PRKG1: variants seen among roughly 807,000 people sequenced by gnomAD.
The protein encoded by PRKG1 is protein kinase cGMP-dependent 1.
PRKG1 carries 35 observed loss-of-function variants against 88.1 expected under a neutral mutation model. The observed-to-expected ratio is 0.40, with a 90% confidence interval of 0.30 to 0.53. The LOEUF (loss-of-function observed/expected upper bound fraction) is 0.53. Among genes scored for constraint, PRKG1 ranks in the 20% least tolerant of loss-of-function variants. The pLI is 0.59. For missense variants in PRKG1, 540 were observed against 839.8 expected, an observed-to-expected ratio of 0.64 and a Z score of 4.41; for synonymous variants, 303 against 292.5, an observed-to-expected ratio of 1.04 and a Z score of -0.37.
upstream of PRKG1, among the ~76,000 whole-genome samples, chr10:51,073,682 G>A (rs1377686015): frequency 6.6e-6 from 1 of 152,164 alleles, no homozygotes; most frequent in East Asian, 1.9e-4. Flanking sequence ...ATCTGGAGCA[G>A]GCGAAGAGTA....
intron 2 of PRKG1, among the ~76,000 whole-genome samples, chr10:51,401,284 A>G (rs1204214529): frequency 1.3e-5 from 2 of 152,240 alleles, no homozygotes; most frequent in African/African-American, 4.8e-5. Context: ...CAATAGCCAC[A>G]TATCAGGTGC....
In PRKG1 at chr10:51,508,799, T is replaced by C. The variant is rs768192455; in HGVS notation, c.592+40963T>C. Reference sequence around the variant, plus strand: ...GATCTCTTTACCCAAACTGACCAAATTAGAAGGCATTTAATCTACCTTGTA... The same window carrying C: ...GATCTCTTTACCCAAACTGACCAAACTAGAAGGCATTTAATCTACCTTGTA... On this transcript the variant is annotated intron_variant, in intron 3 of 17. Coordinates refer to ENST00000373980, the MANE Select transcript of PRKG1 (RefSeq NM_006258.4). Among the ~76,000 whole-genome samples, 4 of 152,156 alleles carry C rather than the reference T, an allele frequency of 2.6e-5. No individual in the cohort carries two copies. The South Asian group carries it at 8.3e-4, about 32-fold the overall frequency.
At chr10:51,564,396 GC>G (rs1837549351) in intron 3 of PRKG1, among the ~76,000 whole-genome samples, 1 of 152,056 alleles carries the variant, frequency 6.6e-6, no homozygotes, top group African/African-American at 2.4e-5. Flanking sequence ...TAAGATTACA[GC>G]TTTTAAGGAT....
At chr10:51,181,283 G>A (rs1372026487) in intron 2 of PRKG1, among the ~76,000 whole-genome samples, 11 of 123,914 alleles carry the variant, frequency 8.9e-5, no homozygotes, top group African/African-American at 2.1e-4. Context: ...CGCCCAGGCC[G>A]GGCTGCGGAC....
chr10:51,237,766 G>A (rs1839036678), intron 2 of PRKG1, among the ~76,000 whole-genome samples: 1 of 152,046 alleles, frequency 6.6e-6, no homozygotes, highest in Non-Finnish European at 1.5e-5. Context: ...CAAAGTGATA[G>A]TAAATATTCT....
chr10:51,049,404 A>G (rs1200262644), intron 1 of PRKG1, among the ~76,000 whole-genome samples: 3 of 152,212 alleles, frequency 2.0e-5, no homozygotes, highest in Non-Finnish European at 2.9e-5. Flanking sequence ...TGAGGAAACA[A>G]TTTTTAATGC....
chr10:51,168,449 T>C (rs1846608442), intron 2 of PRKG1, among the ~76,000 whole-genome samples: 1 of 152,194 alleles, frequency 6.6e-6, no homozygotes, highest in African/African-American at 2.4e-5. Context: ...GATTTATTAT[T>C]ATTTTTAAGT....
At chr10:51,268,750 A>G (rs549722565) in intron 2 of PRKG1, among the ~76,000 whole-genome samples, 1 of 152,308 alleles carries the variant, frequency 6.6e-6, no homozygotes, top group South Asian at 2.1e-4. Context: ...TACGAAAATG[A>G]CGGGATTAAG....
intron 5 of PRKG1, among the ~76,000 whole-genome samples, chr10:52,031,371 A>T (rs2133209923): frequency 6.6e-6 from 1 of 152,346 alleles, no homozygotes; most frequent in South Asian, 2.1e-4. Context: ...TGTTAGAAAC[A>T]GCTAAATAAT....
At chr10:50,995,681 C>T (rs1465947610) in intron 1 of PRKG1, among the ~76,000 whole-genome samples, 2 of 152,100 alleles carry the variant, frequency 1.3e-5, no homozygotes, top group East Asian at 1.9e-4. Flanking sequence ...TTGCATACAC[C>T]CAAACTCCTT....
chr10:52,256,491 T>C lies in PRKG1; in HGVS notation c.1173+4825T>C, dbSNP rs1286913126. On this transcript the variant is annotated intron_variant, in intron 10 of 17. Transcript: ENST00000373980. ...TAAAACTTTCTGAGCCTTGCTTTTC[T>C]TGTCTCTGAAATGATGATAATAATA... 2.1e-5 allele frequency among the ~76,000 whole-genome samples: 3 copies of C among 139,602 alleles called. No individual in the cohort carries two copies. In the East Asian group the frequency reaches 6.2e-4, roughly 29 times the overall value. 91.6% of individuals were successfully genotyped at this position (139,602 alleles called of 152,430 possible).
chr10:51,024,701 G>A (rs1038010666), intron 1 of PRKG1, among the ~76,000 whole-genome samples: 2 of 152,144 alleles, frequency 1.3e-5, no homozygotes, highest in Non-Finnish European at 2.9e-5. Flanking sequence ...GAAACTTACA[G>A]TTATGGCAGA....
At chr10:52,088,734 G>A (rs986177758) in intron 7 of PRKG1, among the ~76,000 whole-genome samples, 1 of 152,120 alleles carries the variant, frequency 6.6e-6, no homozygotes, top group Non-Finnish European at 1.5e-5. Flanking sequence ...CCAGTCTCAG[G>A]TATTGTGTTA....
chr10:52,021,957 G>A lies in PRKG1; in HGVS notation c.763-32527G>A, dbSNP rs113771067. 3.9e-3 allele frequency among the ~76,000 whole-genome samples: 588 copies of A among 152,228 alleles called. 2 individuals are homozygous for A. The highest frequency in any genetic ancestry group is 0.014 in the African/African-American group (572 of 41,530). ...ATCTTCCTTATTTATAGTTAAAACT[G>A]CACTAAACGTAACTTGTCATATAAT... On this transcript the variant is annotated intron_variant, in intron 5 of 17. Transcript: ENST00000373980.
intron 3 of PRKG1, among the ~76,000 whole-genome samples, chr10:51,471,392 C>T (rs1366428730): frequency 6.6e-6 from 1 of 151,912 alleles, no homozygotes; most frequent in Non-Finnish European, 1.5e-5. Context: ...TTCAACCCCA[C>T]AGGGGCAAGA....
At chr10:51,297,898 C>A (rs1840763391) in intron 2 of PRKG1, among the ~76,000 whole-genome samples, 1 of 152,020 alleles carries the variant, frequency 6.6e-6, no homozygotes, top group South Asian at 2.1e-4. Context: ...AAAAATAATG[C>A]AAGCAGTTCT....
intron 5 of PRKG1, among the ~76,000 whole-genome samples, chr10:51,985,497 A>T (rs1844131336): frequency 6.6e-6 from 1 of 152,230 alleles, no homozygotes; most frequent in South Asian, 2.1e-4. Flanking sequence ...TGGAAAGAAC[A>T]TGGGAATTGT....
At chr10:51,916,411 G>A (rs1307947252) in intron 5 of PRKG1, among the ~76,000 whole-genome samples, 1 of 152,178 alleles carries the variant, frequency 6.6e-6, no homozygotes, top group African/African-American at 2.4e-5. Flanking sequence ...AAAACGGAAG[G>A]TATGAATAAG....
At chr10:51,280,281 T>C (rs1840256077) in intron 2 of PRKG1, among the ~76,000 whole-genome samples, 1 of 152,158 alleles carries the variant, frequency 6.6e-6, no homozygotes, top group Admixed American at 6.5e-5. Context: ...AACCTGACCT[T>C]TCTCTCTGGC....
Sources: allele counts gnomAD v4.1 joint callset (sites outside exome capture counted in the v4.1 genomes callset), GRCh38; gene constraint gnomAD v4.1.1; transcripts MANE v1.5; gene names NCBI Gene and HGNC (gene_info 2026-07-23, HGNC 2026-07-21).